The following PDE10A variants were observed in gnomAD, a reference collection of about 807,000 sequenced individuals.
PDE10A encodes cAMP and cAMP-inhibited cGMP 3',5'-cyclic phosphodiesterase 10A.
Under a neutral mutation model 97.7 loss-of-function variants are expected in PDE10A, and 39 were observed. The observed-to-expected ratio is 0.40, with a 90% CI of 0.31 to 0.52. The LOEUF (loss-of-function observed/expected upper bound fraction) is 0.52, where lower values mean the gene tolerates loss of function less well. PDE10A is among the 20% of genes least tolerant of loss of function. PDE10A has a pLI of 0.56. For missense variants in PDE10A, 731 were observed against 1,047.8 expected (o/e 0.70, Z 4.17); for synonymous variants, 371 against 376.8 (o/e 0.98, Z 0.18).
intron 1 of PDE10A, among the ~76,000 whole-genome samples, chr6:165,889,421 A>G (rs953098575): frequency 5.3e-5 from 8 of 152,218 alleles, no homozygotes; most frequent in African/African-American, 1.9e-4. Context: ...CTTCTTGGTG[A>G]ACTGTGCCAG....
chr6:165,367,950 G>A (rs1783923302), intron 18 of PDE10A, among the ~76,000 whole-genome samples: 1 of 152,142 alleles, frequency 6.6e-6, no homozygotes, highest in South Asian at 2.1e-4. Flanking sequence ...TAAAAACAGA[G>A]GAAATGGTAT....
At chr6:165,709,766 A>G (rs1229459440) in intron 1 of PDE10A, among the ~76,000 whole-genome samples, 1 of 137,166 alleles carries the variant, frequency 7.3e-6, no homozygotes, top group African/African-American at 2.8e-5. Context: ...AGCCGCAACC[A>G]TGGCTCTTTC....
Position 165,860,229 on chromosome 6 carries a change from G to A in PDE10A, c.-615+127300C>T, listed in dbSNP as rs192288747. Among the ~76,000 whole-genome samples, 56 of 152,276 alleles carry A rather than the reference G, an allele frequency of 3.7e-4. No homozygotes were observed. The East Asian group carries it at 7.7e-3, about 21-fold the overall frequency. Reference sequence around the variant, plus strand: ...AGCACTTTGGGAAGCTGAGGTGAGTGGATCACATGAGGTTGAGAGATCGAG... The same window carrying A: ...AGCACTTTGGGAAGCTGAGGTGAGTAGATCACATGAGGTTGAGAGATCGAG... On this transcript the variant is annotated intron_variant, in intron 1 of 19. Coordinates refer to the PDE10A transcript ENST00000366882.
intron 1 of PDE10A, among the ~76,000 whole-genome samples, chr6:165,969,418 A>C (rs1214096403): frequency 6.6e-6 from 1 of 152,164 alleles, no homozygotes; most frequent in African/African-American, 2.4e-5. Context: ...ACAATTGTTC[A>C]AATAAGACAC....
At chr6:165,952,498 A>G (rs554297876) in intron 1 of PDE10A, among the ~76,000 whole-genome samples, 1 of 152,366 alleles carries the variant, frequency 6.6e-6, no homozygotes, top group South Asian at 2.1e-4. Context: ...TGCAAATTCA[A>G]TTCTAAAACA....
chr6:165,540,591 C>T (rs867772508), intron 2 of PDE10A, among the ~76,000 whole-genome samples: 5 of 152,104 alleles, frequency 3.3e-5, no homozygotes, highest in African/African-American at 7.2e-5. Flanking sequence ...AAAAAGTTTT[C>T]GGTGAAGCAA....
rs112000837 is a variant in PDE10A, at chr6:165,494,517, CAT to C, written c.995-12176_995-12175del. On this transcript the variant is annotated intron_variant, in intron 2 of 21. Transcript: ENST00000539869. ...ACATAGTAGTATTCCATGGTGTGTG[CAT>C]ATATATATATATATATATTTATTTA... is the stretch of plus-strand genomic sequence containing the variant. 9.5e-3 allele frequency among the ~76,000 whole-genome samples: 1,350 copies of C among 141,812 alleles called. 11 individuals carry two copies. The highest frequency in any genetic ancestry group is 0.023 in the African/African-American group (872 of 38,584). 93.0% of individuals were successfully genotyped at this position (141,812 alleles called of 152,430 possible).
chr6:165,958,153 C>A (rs1309060229), intron 1 of PDE10A, among the ~76,000 whole-genome samples: 1 of 152,134 alleles, frequency 6.6e-6, no homozygotes, highest in Non-Finnish European at 1.5e-5. Context: ...AGAGACCCAG[C>A]GTCTCCGGGA....
chr6:165,478,317 C>T (rs1779406692), intron 3 of PDE10A, among the ~76,000 whole-genome samples: 1 of 152,102 alleles, frequency 6.6e-6, no homozygotes. Flanking sequence ...AAAAATAAAA[C>T]AGTACATTCC....
At chr6:165,540,921 C>A (rs780510122) in intron 2 of PDE10A, among the ~76,000 whole-genome samples, 1 of 152,022 alleles carries the variant, frequency 6.6e-6, no homozygotes, top group African/African-American at 2.4e-5. Context: ...TAAGTCACCA[C>A]GCCCAGAGAA....
chr6:165,529,574 G>A (rs958707464), intron 2 of PDE10A, among the ~76,000 whole-genome samples: 2 of 152,186 alleles, frequency 1.3e-5, no homozygotes, highest in African/African-American at 4.8e-5. Context: ...AATGAGGACT[G>A]CAACTGTCAT....
Position 165,626,498 on chromosome 6 carries a change from A to G in PDE10A, c.865+35449T>C, listed in dbSNP as rs142779140. Reference sequence around the variant, plus strand: ...TAACTATTTAAATAGCAGACTTTCAATAACCTAACAAAGAGAGAAGATGTT... The same window carrying G: ...TAACTATTTAAATAGCAGACTTTCAGTAACCTAACAAAGAGAGAAGATGTT... On this transcript the variant is annotated intron_variant, in intron 1 of 21. Transcript: ENST00000539869. Among the ~76,000 whole-genome samples, 1,183 of 152,354 alleles carry G rather than the reference A, an allele frequency of 7.8e-3. 21 individuals carry two copies. The highest frequency in any genetic ancestry group is 0.027 in the African/African-American group (1,136 of 41,580).
chr6:165,422,334 TAC>T (rs892652002), intron 10 of PDE10A, among the ~76,000 whole-genome samples: 11 of 109,784 alleles, frequency 1.0e-4, no homozygotes, highest in African/African-American at 3.5e-4. Context: ...CACACAGGCA[TAC>T]ACACACACAT....
chr6:165,357,179 T>G (rs2128190025), intron 18 of PDE10A, among the ~76,000 whole-genome samples: 1 of 152,342 alleles, frequency 6.6e-6, no homozygotes, highest in African/African-American at 2.4e-5. Flanking sequence ...TGGTGAATTT[T>G]GGAAATGTTA....
intron 1 of PDE10A, among the ~76,000 whole-genome samples, chr6:165,626,770 A>T (rs918602456): frequency 7.0e-6 from 1 of 142,226 alleles, no homozygotes. Flanking sequence ...GGCGGGGGGA[A>T]GTTGAAGGAG....
At chr6:165,908,335 G>A (rs762514113) in intron 1 of PDE10A, among the ~76,000 whole-genome samples, 2 of 152,222 alleles carry the variant, frequency 1.3e-5, no homozygotes, top group Non-Finnish European at 1.5e-5. Context: ...TCCCAAAGGA[G>A]ACAGTCCATA....
At chr6:165,526,662 G>A (rs940738523) in intron 2 of PDE10A, among the ~76,000 whole-genome samples, 3 of 152,150 alleles carry the variant, frequency 2.0e-5, no homozygotes, top group Non-Finnish European at 1.5e-5. Context: ...GTGGATTATC[G>A]TAAGCTTAAC....
At chr6:165,743,961 G>A (rs577697725) in intron 1 of PDE10A, among the ~76,000 whole-genome samples, 12 of 152,338 alleles carry the variant, frequency 7.9e-5, no homozygotes, top group Admixed American at 3.3e-4. Context: ...ACAGGCCAGC[G>A]GATGTGTGAG....
chr6:165,883,140 A>G (rs1214455746), intron 1 of PDE10A, among the ~76,000 whole-genome samples: 4 of 152,148 alleles, frequency 2.6e-5, no homozygotes, highest in East Asian at 1.9e-4. Context: ...GGAGGCTGAG[A>G]CAGGAGAATT....
Sources: allele counts gnomAD v4.1 joint callset (sites outside exome capture counted in the v4.1 genomes callset), GRCh38; gene constraint gnomAD v4.1.1; transcripts MANE v1.5; gene names NCBI Gene and HGNC (gene_info 2026-07-23, HGNC 2026-07-21).